TTN: variants seen among roughly 807,000 people sequenced by gnomAD.
TTN encodes the protein connectin.
Under a neutral mutation model 3,223.0 loss-of-function variants are expected in TTN, and 1,525 were observed. That is an observed-to-expected ratio of 0.47 (90% CI 0.45 to 0.49). The LOEUF (loss-of-function observed/expected upper bound fraction) is 0.49, where lower values mean the gene tolerates loss of function less well. Ranked by LOEUF, TTN falls within the 20% of genes least tolerant of loss-of-function variation. TTN has a pLI of 0.00. For synonymous variants in TTN, 14,094 were observed against 15,161.0 expected, an observed-to-expected ratio of 0.93 and a Z score of 5.17; for missense variants, 40,786 against 43,424.0, an observed-to-expected ratio of 0.94 and a Z score of 5.40.
intron 47 of TTN, chr2:178,747,621 C>A (rs1373171312): frequency 6.2e-7 from 1 of 1,613,262 alleles, no homozygotes; most frequent in Admixed American, 1.7e-5. Flanking sequence ...ACAAGCTTTG[C>A]CTGGTCTCTG....
Position 178,706,589 on chromosome 2 carries a change from G to C in TTN, c.29285C>G (p.Thr9762Arg). 6.2e-7 allele frequency: 1 copy of C among 1,613,824 alleles called. No individual in the cohort carries two copies. The highest frequency in any genetic ancestry group is 8.5e-7 in the Non-Finnish European group (1 of 1,179,824). The change falls in exon 102 of 363, where the codon ACA (threonine) becomes AGA (arginine). Residue 9762 changes from threonine (T) to arginine (R), a missense_variant. Thr to Arg is a moderately conservative substitution (Grantham distance 71). Coordinates refer to ENST00000589042, the MANE Select transcript of TTN (RefSeq NM_001267550.2). ...DEAKLEIRDTTKTDSGLYRCV... is the reference protein window; with the variant it reads ...DEAKLEIRDTRKTDSGLYRCV... ...TCGGTATAACCCAGAATCAGTTTTTGTGGTGTCCCTAATCTCCAGTTTTGC... is the reference window on the plus strand; with the variant it reads ...TCGGTATAACCCAGAATCAGTTTTTCTGGTGTCCCTAATCTCCAGTTTTGC...
chr2:178,588,108 A>ACATATCCAATGATCGGTGCACCACCAT lies in TTN; in HGVS notation c.63272_63298dup (p.Asp21091_Tyr21099dup), dbSNP rs750904641. 32 of 1,612,776 alleles carry ACATATCCAATGATCGGTGCACCACCAT rather than the reference A, an allele frequency of 2.0e-5. No individual in the cohort carries two copies. Among genetic ancestry groups the ACATATCCAATGATCGGTGCACCACCAT allele is most frequent in the Non-Finnish European group, 2.6e-5 (31 of 1,179,322 alleles). On this transcript the variant is annotated inframe_insertion, in exon 305 of 363. Coordinates refer to ENST00000589042, the MANE Select transcript of TTN (RefSeq NM_001267550.2). The stretch of plus-strand genomic sequence containing the variant: ...TGCTATTTTTGGTCTCATTTCCACA[A>ACATATCCAATGATCGGTGCACCACCAT]CATATCCAATGATCGGTGCACCACC...
intron 170 of TTN, 38 bp downstream of exon 170, chr2:178,663,781 A>T (rs763470742): frequency 9.9e-6 from 16 of 1,612,346 alleles, no homozygotes; most frequent in Admixed American, 1.7e-5. Flanking sequence ...TCAAGAGCAA[A>T]AGAATGAGAT....
At chr2:178,748,697 T>C (rs1367712571) in intron 47 of TTN, 1 of 1,612,794 alleles carries the variant, frequency 6.2e-7, no homozygotes, top group South Asian at 1.1e-5. Context: ...AGGTGATTCA[T>C]GTTCAGCTCT....
At chr2:178,805,527 T>G (rs889051635) in intron 1 of TTN, among the ~76,000 whole-genome samples, 1 of 152,168 alleles carries the variant, frequency 6.6e-6, no homozygotes, top group Non-Finnish European at 1.5e-5. Context: ...ATCTGAACTT[T>G]GTAATCTCTT....
At position 178,652,874 on chromosome 2, in the gene TTN, T is replaced by C. The variant is rs764431555; in HGVS notation, c.38933A>G (p.Lys12978Arg). The change falls in exon 200 of 363, where the codon AAA becomes AGA. Residue 12978 changes from lysine (K) to arginine (R), a missense_variant. Coordinates refer to ENST00000589042, the MANE Select transcript of TTN (RefSeq NM_001267550.2). ...TTTAACAGGAGGGACTTCAGGCTTT[T>C]TAGGAGGAGCCAAGGGCATTTTCTT... is the stretch of plus-strand genomic sequence containing the variant. ...PEKKMPLAPP[K>R]KPEVPPVKVP... is the part of the protein sequence containing the mutation. 7.4e-6 allele frequency: 12 copies of C among 1,611,816 alleles called. No homozygotes were observed. Among genetic ancestry groups the C allele is most frequent in the Non-Finnish European group, 1.0e-5 (12 of 1,179,150 alleles).
Position 178,720,241 on chromosome 2 carries a change from G to C in TTN, c.23401C>G (p.Leu7801Val). 6.2e-7 allele frequency: 1 copy of C among 1,610,862 alleles called. No homozygotes were observed. The highest frequency in any genetic ancestry group is 1.1e-5 in the South Asian group (1 of 90,578). ...CCAATAAGGGTTGAGGTGTCACTTA[G>C]CTTTTTCACGAATCGTGGAGGTTCT... ...FKEPPRFVKK[L>V]SDTSTLIGDA... Residue 7801 changes from leucine (L) to valine (V), a missense_variant, in exon 81 of 363, where the codon CTA (leucine) becomes GTA (valine). Leu to Val is a conservative substitution (Grantham distance 32). Transcript: ENST00000589042.
rs1387991752 is a variant in TTN at position 178,574,575 on chromosome 2, C to T, written c.71557G>A (p.Asp23853Asn). 2 of 1,613,422 alleles carry T rather than the reference C, an allele frequency of 1.2e-6. No individual in the cohort carries two copies. Among genetic ancestry groups the T allele is most frequent in the African/African-American group, 2.7e-5 (2 of 74,914 alleles). ...TATCCTAAAATGGGGCTTCCACCAT[C>T]AGAAAGTGGCTCATGCCAGCTAATT... The part of the protein sequence containing the change: ...MTISWHEPLS[D>N]GGSPILGYHV... The change falls in exon 326 of 363, where the codon GAT (aspartate) becomes AAT (asparagine). Residue 23853 changes from aspartate to asparagine, a missense_variant. Transcript: ENST00000589042.
At position 178,649,202 on chromosome 2, in the gene TTN, C is replaced by T. The variant is rs974242157; in HGVS notation, c.40057+46G>A. The T allele has an allele frequency of 9.6e-6, 13 of 1,350,470 alleles. No individual in the cohort carries two copies. In the African/African-American group the frequency reaches 1.7e-4, roughly 18 times the overall value. 83.7% of individuals were successfully genotyped at this position (1,350,470 alleles called of 1,614,324 possible). On this transcript the variant is annotated intron_variant, in intron 213 of 362. Transcript: ENST00000589042. Reference sequence around the variant, plus strand: ...TTCTCTAAGACCTATTATTAACATGCTTAAATAGCAGTTAGAGAAATCTAT... The same window carrying T: ...TTCTCTAAGACCTATTATTAACATGTTTAAATAGCAGTTAGAGAAATCTAT...
Position 178,569,063 on chromosome 2 carries a change from G to C in TTN, c.77069C>G (p.Ala25690Gly), listed in dbSNP as rs1344792922. Residue 25690 changes from alanine (A) to glycine (G), a missense_variant, in exon 326 of 363, where the codon GCT (alanine) becomes GGT (glycine). By Grantham distance (60) the Ala-to-Gly change is moderately conservative. Coordinates refer to ENST00000589042, the MANE Select transcript of TTN (RefSeq NM_001267550.2). ...EYGIGLPAQTADPIKVAEVPQ... is the reference protein window; with the variant it reads ...EYGIGLPAQTGDPIKVAEVPQ... Reference sequence around the variant, plus strand: ...CACTTCTGCAACCTTAATTGGATCAGCAGTCTGGGCAGGAAGGCCAATACC... The same window carrying C: ...CACTTCTGCAACCTTAATTGGATCACCAGTCTGGGCAGGAAGGCCAATACC... 1.2e-6 allele frequency: 2 copies of C among 1,613,268 alleles called. No individual in the cohort carries two copies. The highest frequency in any genetic ancestry group is 2.2e-5 in the South Asian group (2 of 91,018).
chr2:178,590,824 T>C lies in TTN; in HGVS notation c.60901A>G (p.Ser20301Gly). Residue 20301 changes from serine to glycine, a missense_variant, in exon 304 of 363, where the codon AGT becomes GGT. Coordinates refer to ENST00000589042, the MANE Select transcript of TTN (RefSeq NM_001267550.2). ...SWTLPKSDGG[S>G]PITGYYMERR... Reference sequence around the variant, plus strand: ...TCCATATAGTAGCCAGTTATTGGACTGCCACCATCAGATTTTGGCAGGGTC... The same window carrying C: ...TCCATATAGTAGCCAGTTATTGGACCGCCACCATCAGATTTTGGCAGGGTC... The C allele has an allele frequency of 6.2e-7, 1 of 1,606,942 alleles. No individual in the cohort carries two copies. Among genetic ancestry groups the C allele is most frequent in the Non-Finnish European group, 8.5e-7 (1 of 1,174,170 alleles).
rs879048673 is a variant in TTN at position 178,779,240 on chromosome 2, G to A, written c.3952C>T (p.Pro1318Ser). 6.2e-7 allele frequency: 1 copy of A among 1,613,456 alleles called. No individual in the cohort carries two copies. Among genetic ancestry groups the A allele is most frequent in the African/African-American group, 1.3e-5 (1 of 74,882 alleles). The change falls in exon 23 of 363, where the codon CCA (proline) becomes TCA (serine). Residue 1318 changes from proline to serine, a missense_variant. Coordinates refer to ENST00000589042, the MANE Select transcript of TTN (RefSeq NM_001267550.2). The stretch of plus-strand genomic sequence containing the variant: ...TGTTTATATTTTACCTTTGGTAATG[G>A]ATATCCAGACATCTTGCAATGAAAA... Reference protein sequence around the residue: ...VTFHCKMSGYPLPKIAWYKDG... With the variant: ...VTFHCKMSGYSLPKIAWYKDG...
chr2:178,539,167 T>C lies in TTN; in HGVS notation c.98768A>G (p.Asp32923Gly). 6.2e-7 allele frequency: 1 copy of C among 1,613,802 alleles called. No homozygotes were observed. Among genetic ancestry groups the C allele is most frequent in the South Asian group, 1.1e-5 (1 of 91,080 alleles). The stretch of plus-strand genomic sequence containing the variant: ...GCCTGTGACTCTAGAACCACCATCA[T>C]CTTTGGGCCGGGACCAGGACAAGCT... ...SVSLSWSRPK[D>G]DGGSRVTGYY... The change falls in exon 353 of 363, where the codon GAT becomes GGT. Residue 32923 changes from aspartate to glycine, a missense_variant. By Grantham distance (94) the Asp-to-Gly change is moderately conservative (BLOSUM62 -1). Transcript: ENST00000589042.
chr2:178,710,892 C>T lies in TTN; in HGVS notation c.28205G>A (p.Arg9402His), dbSNP rs773986121. ...CACCACAGCATCCACAGGGGCAAGA[C>T]GGATGTCAAAGAAGGGTGGGTTCTT... ...EGKNPPFFDIRLAPVDAVVGE... is the reference protein window; with the variant it reads ...EGKNPPFFDIHLAPVDAVVGE... The change falls in exon 98 of 363, where the codon CGT becomes CAT. Residue 9402 changes from arginine (R) to histidine (H), a missense_variant. Transcript: ENST00000589042. The T allele has an allele frequency of 3.4e-5, 55 of 1,613,296 alleles. No individual in the cohort carries two copies. The highest frequency in any genetic ancestry group is 1.8e-4 in the East Asian group (8 of 44,886).
In TTN at chr2:178,634,693, A is replaced by AC. The variant is rs759939453; in HGVS notation, c.42151+29dup. On this transcript the variant is annotated intron_variant, in intron 229 of 362. Transcript: ENST00000589042. This position sits in a 1 kb window ranked among gnomAD's most constrained non-coding sequence, Gnocchi z 4.6. ...CACAGGGAAGTGAAATAAAGTTGAG[A>AC]CCCCTCCCCAAATTCTAAAAGCCCC... 1 of 1,611,882 alleles carries AC rather than the reference A, an allele frequency of 6.2e-7. No individual in the cohort carries two copies. Among genetic ancestry groups the AC allele is most frequent in the Non-Finnish European group, 8.5e-7 (1 of 1,179,222 alleles).
chr2:178,684,822 G>T, intron 130 of TTN, 73 bp from the exon 131 acceptor site: 1 of 1,552,240 alleles, frequency 6.4e-7, no homozygotes, highest in African/African-American at 1.4e-5. Flanking sequence ...CTTATTTTCT[G>T]GTTAATGTTT....
chr2:178,580,151 A>G lies in TTN; in HGVS notation c.67136T>C (p.Ile22379Thr). ...DSAYVTWEPP[I>T]IDGGSPIINY... Reference sequence around the variant, plus strand: ...TATGATGGGGCTTCCGCCATCAATAATGGGAGGCTCCCAGGTAACATAAGC... The same window carrying G: ...TATGATGGGGCTTCCGCCATCAATAGTGGGAGGCTCCCAGGTAACATAAGC... Residue 22379 changes from isoleucine to threonine, a missense_variant, in exon 318 of 363, where the codon ATT becomes ACT. Ile to Thr is a moderately conservative substitution (Grantham distance 89). Coordinates refer to ENST00000589042, the MANE Select transcript of TTN (RefSeq NM_001267550.2). The G allele has an allele frequency of 4.3e-6, 7 of 1,613,300 alleles. No homozygotes were observed. The highest frequency in any genetic ancestry group is 5.9e-6 in the Non-Finnish European group (7 of 1,179,510).
intron 47 of TTN, chr2:178,747,155 T>C: frequency 1.2e-6 from 2 of 1,610,160 alleles, no homozygotes; most frequent in Non-Finnish European, 8.5e-7. Context: ...GGAATATCTC[T>C]CTAGAGTCTC....
At chr2:178,782,733 C>G in intron 18 of TTN, 73 bp downstream of exon 18, 4 of 1,610,270 alleles carry the variant, frequency 2.5e-6, no homozygotes, top group Non-Finnish European at 3.4e-6. Context: ...TGCACAGAAA[C>G]CATATTGTGG....
Sources: gnomAD v4.1 joint callset for allele counts (sites outside exome capture counted in the v4.1 genomes callset) on GRCh38, gnomAD v4.1.1 for gene constraint, Gnocchi (gnomAD v3.1) non-coding constraint, MANE v1.5 for transcripts, NCBI Gene and HGNC (gene_info 2026-07-23, HGNC 2026-07-21) for gene names.